Variants in SLC17A8 observed in about 807,000 individuals in gnomAD.
SLC17A8 encodes the protein vesicular glutamate transporter 3.
SLC17A8 carries 31 observed loss-of-function variants against 58.0 expected under a neutral mutation model. The observed-to-expected ratio is 0.53, with a 90% CI of 0.40 to 0.72. The LOEUF is 0.72. SLC17A8 is among the 30% of genes least tolerant of loss of function. SLC17A8 has a pLI of 0.00. For synonymous variants in SLC17A8, 228 were observed against 249.0 expected (o/e 0.92, Z 0.79); for missense variants, 655 against 727.8 (o/e 0.90, Z 1.15).
intron 5 of SLC17A8, among the ~76,000 whole-genome samples, chr12:100,399,003 CTCTT>C (rs1391638860): frequency 6.6e-6 from 1 of 152,190 alleles, no homozygotes; most frequent in Non-Finnish European, 1.5e-5. Context: ...CCAATTAAAC[CTCTT>C]TCTTTTGTAA....
chr12:100,382,991 G>C (rs1286527900), intron 2 of SLC17A8, among the ~76,000 whole-genome samples: 1 of 152,160 alleles, frequency 6.6e-6, no homozygotes. Flanking sequence ...GTCCTAAAAG[G>C]ATATCCTGTC....
At chr12:100,364,047 CAA>C (rs3057169) in intron 1 of SLC17A8, among the ~76,000 whole-genome samples, 3,239 of 52,714 alleles carry the variant, frequency 0.061, 62 homozygotes, top group African/African-American at 0.19. Context: ...GATTCCATCT[CAA>C]AAAAAAAAAA....
chr12:100,366,655 G>C (rs527649572), intron 1 of SLC17A8, among the ~76,000 whole-genome samples: 1 of 152,144 alleles, frequency 6.6e-6, no homozygotes, highest in Non-Finnish European at 1.5e-5. Flanking sequence ...CGGAACCTTC[G>C]GTCTTCTCCT....
At chr12:100,358,286 T>C (rs1337376812) in intron 1 of SLC17A8, among the ~76,000 whole-genome samples, 1 of 152,218 alleles carries the variant, frequency 6.6e-6, no homozygotes, top group South Asian at 2.1e-4. Context: ...CTGATATAAA[T>C]AAATGTGAAA....
At chr12:100,417,532 C>G (rs922612075) in intron 10 of SLC17A8, among the ~76,000 whole-genome samples, 1 of 152,136 alleles carries the variant, frequency 6.6e-6, no homozygotes, top group African/African-American at 2.4e-5. Flanking sequence ...AATGTTTGTG[C>G]AAATGTTTCA....
chr12:100,357,269 T>A lies in SLC17A8; in HGVS notation c.-123T>A. On this transcript the variant is annotated 5_prime_UTR_variant, in exon 1 of 12. Transcript: ENST00000323346. ...TCCTTTTTGATTTTGAGTAGTTCCC[T>A]CCACGAGAACTGACTTCCAGGTGTT... 1 of 758,784 alleles carries A rather than the reference T, an allele frequency of 1.3e-6. No homozygotes were observed. Among genetic ancestry groups the A allele is most frequent in the Non-Finnish European group, 2.4e-6 (1 of 411,324 alleles). The allele number at this position is 758,784 out of a possible 1,614,324, so 47.0% of individuals were successfully genotyped here. A position where few individuals can be genotyped will look rare whatever the true frequency, so the allele number is the denominator to read the frequency against.
chr12:100,385,970 G>A (rs1306075938), intron 2 of SLC17A8, among the ~76,000 whole-genome samples: 1 of 152,126 alleles, frequency 6.6e-6, no homozygotes, highest in Non-Finnish European at 1.5e-5. Context: ...TCACTCTCAT[G>A]TCTGCCTCCA....
chr12:100,385,740 T>C (rs1398234732), intron 2 of SLC17A8, among the ~76,000 whole-genome samples: 2 of 152,212 alleles, frequency 1.3e-5, no homozygotes, highest in East Asian at 1.9e-4. Flanking sequence ...AGCTAACCTA[T>C]ATTAAATACC....
Position 100,396,397 on chromosome 12 carries a change from T to C in SLC17A8, c.656T>C (p.Leu219Pro). 6.2e-7 allele frequency: 1 copy of C among 1,614,100 alleles called. No individual in the cohort carries two copies. Among genetic ancestry groups the C allele is most frequent in the Non-Finnish European group, 8.5e-7 (1 of 1,179,992 alleles). ...KWAPPLERSRLATTSFCGSYA... is the reference protein window; with the variant it reads ...KWAPPLERSRPATTSFCGSYA... ...GCACCACCTTTGGAGAGAAGCCGAC[T>C]GGCCACAACCTCTTTTTGTGGTGGG... Residue 219 changes from leucine to proline, a missense_variant, in exon 5 of 12, where the codon CTG becomes CCG. Coordinates refer to ENST00000323346, the MANE Select transcript of SLC17A8 (RefSeq NM_139319.3).
At chr12:100,392,516 C>T (rs1952723999) in intron 3 of SLC17A8, among the ~76,000 whole-genome samples, 1 of 152,020 alleles carries the variant, frequency 6.6e-6, no homozygotes, top group African/African-American at 2.4e-5. Context: ...AGGTTCTTGT[C>T]TAATTTATGT....
rs765156218 is a variant in SLC17A8 at position 100,393,380 on chromosome 12, C to A, written c.485C>A (p.Ala162Asp). Residue 162 changes from alanine (A) to aspartate (D), a missense_variant, in exon 4 of 12, where the codon GCT (alanine) becomes GAT (aspartate). Physicochemically the swap from Ala to Asp is moderately radical, Grantham distance 126. Transcript: ENST00000323346. ...NKFAANRVFG[A>D]AIFLTSTLNM... Reference sequence around the variant, plus strand: ...CTTTGGTCCCCCAGGGTCTTTGGAGCTGCCATCTTCTTAACATCGACTCTG... The same window carrying A: ...CTTTGGTCCCCCAGGGTCTTTGGAGATGCCATCTTCTTAACATCGACTCTG... 1 of 1,613,226 alleles carries A rather than the reference C, an allele frequency of 6.2e-7. No homozygotes were observed.
At position 100,402,732 on chromosome 12, in the gene SLC17A8, T is replaced by C; in HGVS notation, c.1040T>C (p.Phe347Ser). Residue 347 changes from phenylalanine (F) to serine (S), a missense_variant, in exon 8 of 12, where the codon TTT becomes TCT. Phe to Ser is a radical substitution (Grantham distance 155, BLOSUM62 -2). Coordinates refer to ENST00000323346, the MANE Select transcript of SLC17A8 (RefSeq NM_139319.3). ...QPAYFEEVFGFAISKVGLLSA... is the reference protein window; with the variant it reads ...QPAYFEEVFGSAISKVGLLSA... ...GCTTATTTTGAAGAGGTCTTTGGATTTGCAATAAGTAAGGTAAACACACAG... is the reference window on the plus strand; with the variant it reads ...GCTTATTTTGAAGAGGTCTTTGGATCTGCAATAAGTAAGGTAAACACACAG... 6.2e-7 allele frequency: 1 copy of C among 1,613,906 alleles called. No homozygotes were observed. Among genetic ancestry groups the C allele is most frequent in the South Asian group, 1.1e-5 (1 of 90,986 alleles).
chr12:100,389,282 C>T (rs776436806), intron 2 of SLC17A8, among the ~76,000 whole-genome samples: 41 of 152,124 alleles, frequency 2.7e-4, no homozygotes, highest in Non-Finnish European at 4.7e-4. Flanking sequence ...CAGTCACTAT[C>T]CTAATCTGTT....
At chr12:100,408,614 C>CT (rs573498322) in intron 9 of SLC17A8, among the ~76,000 whole-genome samples, 30 of 151,914 alleles carry the variant, frequency 2.0e-4, no homozygotes, top group African/African-American at 3.1e-4. Flanking sequence ...CTCTTAAATG[C>CT]TTTTTTTTCC....
At chr12:100,378,723 C>G (rs1246428180) in intron 1 of SLC17A8, among the ~76,000 whole-genome samples, 1 of 152,084 alleles carries the variant, frequency 6.6e-6, no homozygotes, top group African/African-American at 2.4e-5. Context: ...GCATGGACAA[C>G]TGCATAGACC....
chr12:100,384,296 C>T (rs1268077049), intron 2 of SLC17A8, among the ~76,000 whole-genome samples: 1 of 151,922 alleles, frequency 6.6e-6, no homozygotes, highest in Non-Finnish European at 1.5e-5. Flanking sequence ...GAAACTGGCT[C>T]GAGTTAAAAG....
chr12:100,367,258 A>G (rs1952526196), intron 1 of SLC17A8, among the ~76,000 whole-genome samples: 1 of 152,196 alleles, frequency 6.6e-6, no homozygotes, highest in East Asian at 1.9e-4. Context: ...CAAGAGTGTG[A>G]TCAACATTAA....
intron 6 of SLC17A8, 144 bp from the exon 7 acceptor site, chr12:100,402,196 A>G: frequency 1.2e-6 from 1 of 807,312 alleles, no homozygotes; most frequent in Non-Finnish European, 2.0e-6. Flanking sequence ...TGCATGTATG[A>G]GATGTCTGAG....
chr12:100,402,785 T>A, intron 8 of SLC17A8, 40 bp downstream of exon 8: 5 of 1,568,450 alleles, frequency 3.2e-6, no homozygotes, highest in Non-Finnish European at 4.4e-6. Flanking sequence ...GAACTTTAAA[T>A]CTCTTGATTC....
Sources: gnomAD v4.1 joint callset for allele counts (sites outside exome capture counted in the v4.1 genomes callset) on GRCh38, gnomAD v4.1.1 for gene constraint, MANE v1.5 for transcripts, NCBI Gene and HGNC (gene_info 2026-07-23, HGNC 2026-07-21) for gene names.